Variants in GALNT2 observed in about 807,000 individuals in gnomAD.
GALNT2 encodes the protein UDP-GalNAc:polypeptide N-acetylgalactosaminyltransferase 2.
GALNT2 carries 31 observed loss-of-function variants against 81.4 expected under a neutral mutation model. The ratio of observed to expected loss-of-function variants is 0.38; its 90% confidence interval spans 0.29 to 0.51. The LOEUF (loss-of-function observed/expected upper bound fraction) is 0.51. Among genes scored for constraint, GALNT2 ranks in the 20% least tolerant of loss-of-function variants. The probability of loss-of-function intolerance (pLI) is 0.87; values close to 1 mark genes in which losing one functional copy is unlikely to be tolerated. For synonymous variants in GALNT2, 303 were observed against 287.4 expected (o/e 1.05, Z -0.55); for missense variants, 629 against 765.7 (o/e 0.82, Z 2.11).
chr1:230,073,935 A>G (rs1021476545), intron 1 of GALNT2, among the ~76,000 whole-genome samples: 4 of 152,016 alleles, frequency 2.6e-5, no homozygotes, highest in Non-Finnish European at 5.9e-5. Context: ...TTCTGTCCCT[A>G]ACTCTTAGGG....
chr1:230,226,854 A>G (rs1664730759), intron 3 of GALNT2, among the ~76,000 whole-genome samples: 1 of 152,212 alleles, frequency 6.6e-6, no homozygotes, highest in Non-Finnish European at 1.5e-5. Flanking sequence ...TCACTCTGTG[A>G]CTGAAGAAGG....
chr1:230,270,339 G>A (rs1219879150), intron 14 of GALNT2, among the ~76,000 whole-genome samples: 3 of 152,234 alleles, frequency 2.0e-5, no homozygotes, highest in Non-Finnish European at 4.4e-5. Flanking sequence ...CAGCTTGGGA[G>A]CACCTTACTG....
At chr1:230,131,618 C>T (rs968304581) in intron 1 of GALNT2, among the ~76,000 whole-genome samples, 5 of 152,178 alleles carry the variant, frequency 3.3e-5, no homozygotes, top group African/African-American at 7.2e-5. Flanking sequence ...CGCACTGTCT[C>T]GCTGCTATCC....
At chr1:230,086,585 T>TC (rs1395554668) in intron 1 of GALNT2, among the ~76,000 whole-genome samples, 2 of 152,118 alleles carry the variant, frequency 1.3e-5, no homozygotes, top group Non-Finnish European at 2.9e-5. Context: ...AGTTTTTTTT[T>TC]CCCCCGTGTG....
chr1:230,154,388 T>G (rs1662184184), intron 1 of GALNT2, among the ~76,000 whole-genome samples: 1 of 152,170 alleles, frequency 6.6e-6, no homozygotes, highest in African/African-American at 2.4e-5. Flanking sequence ...AGAAATAATC[T>G]TGAGTCAGAA....
chr1:230,161,663 C>T (rs1662442017), intron 1 of GALNT2, among the ~76,000 whole-genome samples: 1 of 152,204 alleles, frequency 6.6e-6, no homozygotes, highest in Admixed American at 6.5e-5. Flanking sequence ...TTCTGACTTG[C>T]TCTCTGACCA....
At chr1:230,209,816 C>T (rs1378022525) in intron 3 of GALNT2, among the ~76,000 whole-genome samples, 3 of 141,776 alleles carry the variant, frequency 2.1e-5, no homozygotes, top group Non-Finnish European at 3.1e-5. Flanking sequence ...AGAGCAAGAC[C>T]TTGTCTCAAA....
chr1:230,198,140 C>T (rs1387225602), intron 2 of GALNT2, among the ~76,000 whole-genome samples: 5 of 152,204 alleles, frequency 3.3e-5, no homozygotes, highest in Non-Finnish European at 7.3e-5. Flanking sequence ...CGGTCAGCCT[C>T]CGGTACCTTC....
chr1:230,057,822 C>T (rs376232223), upstream of GALNT2, among the ~76,000 whole-genome samples: 54 of 152,250 alleles, frequency 3.5e-4, no homozygotes, highest in African/African-American at 1.2e-3. Context: ...GGAGGAGCTG[C>T]GGGGCGTCTT....
intron 1 of GALNT2, among the ~76,000 whole-genome samples, chr1:230,145,734 C>T (rs1182494554): frequency 2.0e-5 from 3 of 152,202 alleles, no homozygotes; most frequent in Non-Finnish European, 4.4e-5. Flanking sequence ...GCCCAGACGT[C>T]AGGCAGGCCC....
At chr1:230,088,420 GT>G (rs200381906) in intron 1 of GALNT2, among the ~76,000 whole-genome samples, 2,666 of 147,938 alleles carry the variant, frequency 0.018, 78 homozygotes, top group African/African-American at 0.061. Context: ...GTGTGACAGG[GT>G]TTTTTTTTTA....
chr1:230,270,323 C>T (rs1469117878), intron 14 of GALNT2, among the ~76,000 whole-genome samples: 1 of 152,214 alleles, frequency 6.6e-6, no homozygotes, highest in Non-Finnish European at 1.5e-5. Context: ...ATGTATGTTA[C>T]ACCCTCAGCT....
intron 1 of GALNT2, among the ~76,000 whole-genome samples, chr1:230,080,951 A>G (rs1369822007): frequency 6.6e-6 from 1 of 152,150 alleles, no homozygotes; most frequent in African/African-American, 2.4e-5. Context: ...GTTCTTGGGG[A>G]AGCTGCATCA....
At chr1:230,105,640 G>A (rs1189056958) in intron 1 of GALNT2, among the ~76,000 whole-genome samples, 1 of 152,196 alleles carries the variant, frequency 6.6e-6, no homozygotes, top group African/African-American at 2.4e-5. Context: ...GATGAGGTGG[G>A]AGTTGCATAA....
At chr1:230,181,806 G>T (rs941089891) in intron 2 of GALNT2, among the ~76,000 whole-genome samples, 4 of 152,202 alleles carry the variant, frequency 2.6e-5, no homozygotes, top group Non-Finnish European at 5.9e-5. Flanking sequence ...AGATTGTAGA[G>T]AATTGGTATA....
At chr1:230,119,526 C>T (rs945397688) in intron 1 of GALNT2, among the ~76,000 whole-genome samples, 4 of 152,174 alleles carry the variant, frequency 2.6e-5, no homozygotes, top group African/African-American at 9.7e-5. Context: ...TGGAGGCAAC[C>T]ATTGATACTC....
chr1:230,175,039 G>A (rs186959970), intron 1 of GALNT2, among the ~76,000 whole-genome samples: 16 of 152,308 alleles, frequency 1.1e-4, no homozygotes, highest in Non-Finnish European at 1.9e-4. Context: ...AAGATGCCTG[G>A]CCCCTGCTGT....
At chr1:230,188,473 A>C (rs1270042119) in intron 2 of GALNT2, among the ~76,000 whole-genome samples, 1 of 152,194 alleles carries the variant, frequency 6.6e-6, no homozygotes, top group Non-Finnish European at 1.5e-5. Flanking sequence ...GGCCTTAGAC[A>C]AGTTAAGGAG....
At chr1:230,274,651 T>C (rs1666238285) in intron 15 of GALNT2, 87 bp downstream of exon 15, 2 of 1,501,390 alleles carry the variant, frequency 1.3e-6, no homozygotes, top group African/African-American at 2.8e-5. Flanking sequence ...GTGCTGCCTC[T>C]CAAAGCATCC....
Sources: allele counts gnomAD v4.1 joint callset (sites outside exome capture counted in the v4.1 genomes callset), GRCh38; gene constraint gnomAD v4.1.1; transcripts MANE v1.5; gene names NCBI Gene and HGNC (gene_info 2026-07-23, HGNC 2026-07-21).